The following XKR4 variants were observed in gnomAD, a reference collection of about 807,000 sequenced individuals.
The protein encoded by XKR4 is XK related 4.
XKR4 carries 12 observed loss-of-function variants against 53.9 expected under a neutral mutation model. That is an observed-to-expected ratio of 0.22 (90% CI 0.14 to 0.36). XKR4 has a LOEUF of 0.36. Ranked by LOEUF, XKR4 falls within the 10% of genes least tolerant of loss-of-function variation. The pLI is 1.00. For synonymous variants in XKR4, 354 were observed against 362.4 expected, an observed-to-expected ratio of 0.98 and a Z score of 0.26; for missense variants, 799 against 859.5, an observed-to-expected ratio of 0.93 and a Z score of 0.88.
chr8:55,277,659 A>C (rs1221961444), intron 1 of XKR4, among the ~76,000 whole-genome samples: 2 of 151,966 alleles, frequency 1.3e-5, no homozygotes, highest in Non-Finnish European at 2.9e-5. Context: ...ATGCTCAAAA[A>C]CTCAGATGTT....
intron 1 of XKR4, among the ~76,000 whole-genome samples, chr8:55,146,969 C>T (rs966892358): frequency 6.6e-6 from 1 of 152,170 alleles, no homozygotes; most frequent in African/African-American, 2.4e-5. Flanking sequence ...GTAATCATTC[C>T]ACAGAAGGGA....
Position 55,281,525 on chromosome 8 carries a change from G to A in XKR4, c.807-76153G>A, listed in dbSNP as rs147118311. On this transcript the variant is annotated intron_variant, in intron 1 of 2. Coordinates refer to ENST00000327381, the MANE Select transcript of XKR4 (RefSeq NM_052898.2). Reference sequence around the variant, plus strand: ...AAAATACTGATTTCAGATGAAAAACGTAGAAACATGCATGCCACTCACATT... The same window carrying A: ...AAAATACTGATTTCAGATGAAAAACATAGAAACATGCATGCCACTCACATT... 1.1e-3 allele frequency among the ~76,000 whole-genome samples: 170 copies of A among 152,274 alleles called. 1 individual carries two copies. Among genetic ancestry groups the A allele is most frequent in the African/African-American group, 3.7e-3 (154 of 41,562 alleles).
At chr8:55,474,695 T>C (rs1026284382) in intron 2 of XKR4, among the ~76,000 whole-genome samples, 1 of 152,122 alleles carries the variant, frequency 6.6e-6, no homozygotes, top group Admixed American at 6.5e-5. Context: ...ACTAACATTT[T>C]TAATTAATCA....
intron 2 of XKR4, among the ~76,000 whole-genome samples, chr8:55,456,767 C>T (rs1805575691): frequency 6.6e-6 from 1 of 151,918 alleles, no homozygotes; most frequent in African/African-American, 2.4e-5. Flanking sequence ...ATAAACATAG[C>T]ATCAAAGGCA....
At chr8:55,338,866 A>T (rs1803501790) in intron 1 of XKR4, among the ~76,000 whole-genome samples, 1 of 152,230 alleles carries the variant, frequency 6.6e-6, no homozygotes, top group Admixed American at 6.5e-5. Flanking sequence ...TGGATTCCAG[A>T]CAAAGCTAAC....
At chr8:55,382,844 A>G (rs191340395) in intron 2 of XKR4, among the ~76,000 whole-genome samples, 122 of 152,302 alleles carry the variant, frequency 8.0e-4, no homozygotes, top group African/African-American at 2.8e-3. Flanking sequence ...TAGGTGAATT[A>G]CAGGGAGAGT....
At position 55,528,449 on chromosome 8, in the gene XKR4, G is replaced by A. The variant is rs1806906187; in HGVS notation, c.*4222G>A. On this transcript the variant is annotated 3_prime_UTR_variant, in exon 3 of 3. Transcript: ENST00000327381. ...GATTGGAAACAAGTTCTGACACAAT[G>A]TTTAGACAAGAATCCAGAGATTTTT... 6.6e-6 allele frequency: 1 copy of A among 152,186 alleles called. No individual in the cohort carries two copies. The highest frequency in any genetic ancestry group is 2.4e-5 in the African/African-American group (1 of 41,448). 9.4% of individuals were successfully genotyped at this position (152,186 alleles called of 1,614,324 possible).
intron 1 of XKR4, among the ~76,000 whole-genome samples, chr8:55,163,758 T>A (rs967849735): frequency 6.6e-6 from 1 of 152,070 alleles, no homozygotes; most frequent in Non-Finnish European, 1.5e-5. Context: ...GGCAGGAGAA[T>A]CGGTTGAACT....
chr8:55,455,204 C>T, intron 2 of XKR4: 2 of 447,946 alleles, frequency 4.5e-6, no homozygotes, highest in Non-Finnish European at 8.5e-6. Flanking sequence ...ATGGCCCGGG[C>T]CTGGCCCTGG....
intron 1 of XKR4, among the ~76,000 whole-genome samples, chr8:55,342,377 C>T (rs1240742167): frequency 2.0e-5 from 3 of 152,130 alleles, no homozygotes; most frequent in Admixed American, 1.3e-4. Flanking sequence ...ACTCTACACT[C>T]GCTCCCCTTC....
chr8:55,211,951 T>C (rs1202318066), intron 1 of XKR4, among the ~76,000 whole-genome samples: 1 of 152,162 alleles, frequency 6.6e-6, no homozygotes, highest in East Asian at 1.9e-4. Context: ...AGTCAATACA[T>C]GTAAGATGTG....
At chr8:55,270,432 T>C (rs1330503049) in intron 1 of XKR4, among the ~76,000 whole-genome samples, 1 of 151,948 alleles carries the variant, frequency 6.6e-6, no homozygotes, top group East Asian at 1.9e-4. Flanking sequence ...GGGTTAGGAG[T>C]TTCCTTCACG....
intron 1 of XKR4, among the ~76,000 whole-genome samples, chr8:55,146,654 A>T (rs982702018): frequency 1.3e-5 from 2 of 152,226 alleles, no homozygotes; most frequent in South Asian, 4.1e-4. Flanking sequence ...AGGAAACTGT[A>T]TCTTTTTCAT....
chr8:55,451,868 G>A (rs1389301120), intron 2 of XKR4: 2 of 856,406 alleles, frequency 2.3e-6, no homozygotes, highest in Non-Finnish European at 3.9e-6. Context: ...GCTGAGGACG[G>A]GGTCAGTGTG....
chr8:55,336,871 C>T (rs1468996175), intron 1 of XKR4, among the ~76,000 whole-genome samples: 1 of 152,142 alleles, frequency 6.6e-6, no homozygotes, highest in African/African-American at 2.4e-5. Context: ...TAGTGGTGTG[C>T]ATGCATCAGG....
intron 1 of XKR4, among the ~76,000 whole-genome samples, chr8:55,288,004 A>G (rs1204672798): frequency 6.6e-6 from 1 of 152,158 alleles, no homozygotes; most frequent in East Asian, 1.9e-4. Flanking sequence ...GGCCTGACAC[A>G]AATTTGTAAA....
intron 1 of XKR4, among the ~76,000 whole-genome samples, chr8:55,298,479 G>T (rs565630483): frequency 1.0e-3 from 154 of 152,166 alleles, no homozygotes; most frequent in African/African-American, 3.5e-3. Context: ...CATGGCAGAA[G>T]GCAAAAAGGA....
intron 1 of XKR4, among the ~76,000 whole-genome samples, chr8:55,270,604 G>A (rs756032660): frequency 1.3e-5 from 2 of 152,188 alleles, no homozygotes; most frequent in Non-Finnish European, 2.9e-5. Flanking sequence ...AGGTACTTAT[G>A]CAATACTGTT....
At chr8:55,174,435 G>A (rs1438768727) in intron 1 of XKR4, among the ~76,000 whole-genome samples, 1 of 152,172 alleles carries the variant, frequency 6.6e-6, no homozygotes, top group Non-Finnish European at 1.5e-5. Context: ...TGGACTAGAG[G>A]AAAAGGATGG....
Sources: gnomAD v4.1 joint callset for allele counts (sites outside exome capture counted in the v4.1 genomes callset) on GRCh38, gnomAD v4.1.1 for gene constraint, MANE v1.5 for transcripts, NCBI Gene and HGNC (gene_info 2026-07-23, HGNC 2026-07-21) for gene names.